The following HMGA2 variants were observed in gnomAD, a reference collection of about 807,000 sequenced individuals.
The protein encoded by HMGA2 is high mobility group AT-hook 2.
Under a neutral mutation model 19.1 loss-of-function variants are expected in HMGA2, and 8 were observed. That is an observed-to-expected ratio of 0.42 (90% CI 0.25 to 0.76). The LOEUF (loss-of-function observed/expected upper bound fraction) is 0.76. Ranked by LOEUF, HMGA2 falls within the 30% of genes least tolerant of loss-of-function variation. The pLI is 0.28. For missense variants in HMGA2, 109 were observed against 136.3 expected, an observed-to-expected ratio of 0.80 and a Z score of 1.00; for synonymous variants, 60 against 48.8, an observed-to-expected ratio of 1.23 and a Z score of -0.96.
intron 3 of HMGA2, among the ~76,000 whole-genome samples, chr12:65,897,284 A>G (rs1433535628): frequency 6.6e-6 from 1 of 152,188 alleles, no homozygotes; most frequent in Non-Finnish European, 1.5e-5. Context: ...ATTATTATTG[A>G]CCATAGTCAC....
intron 3 of HMGA2, among the ~76,000 whole-genome samples, chr12:65,852,050 C>T (rs142763647): frequency 5.9e-5 from 9 of 151,442 alleles, no homozygotes; most frequent in African/African-American, 1.9e-4. Context: ...ACAGTTTGTA[C>T]AAATAATAAT....
chr12:65,859,831 C>T, intron 3 of HMGA2: 1 of 216,540 alleles, frequency 4.6e-6, no homozygotes, highest in East Asian at 1.0e-4. Flanking sequence ...CTCTTGTAGT[C>T]CCAGCATTTT....
At chr12:65,962,551 G>A (rs1190541589) in intron 4 of HMGA2, among the ~76,000 whole-genome samples, 1 of 152,144 alleles carries the variant, frequency 6.6e-6, no homozygotes, top group Non-Finnish European at 1.5e-5. Context: ...TAAATACAAG[G>A]GGGAGGAAAT....
At chr12:65,958,945 C>T (rs990049368) in intron 4 of HMGA2, 1 of 152,166 alleles carries the variant, frequency 6.6e-6, no homozygotes, top group Non-Finnish European at 1.5e-5. Context: ...ATCGTGGTGA[C>T]ACCACCCCTG....
chr12:65,854,129 GTTGT>G (rs1006594278), intron 3 of HMGA2, among the ~76,000 whole-genome samples: 1 of 152,160 alleles, frequency 6.6e-6, no homozygotes, highest in Non-Finnish European at 1.5e-5. Flanking sequence ...TTCCACCTAC[GTTGT>G]TTGTTATCTT....
intron 3 of HMGA2, among the ~76,000 whole-genome samples, chr12:65,876,465 G>A (rs1289781521): frequency 2.0e-5 from 3 of 152,152 alleles, no homozygotes; most frequent in Non-Finnish European, 4.4e-5. Flanking sequence ...TAAGGCAATT[G>A]TGAATACTCT....
At chr12:65,926,820 A>T (rs1447455651) in intron 3 of HMGA2, among the ~76,000 whole-genome samples, 1 of 152,068 alleles carries the variant, frequency 6.6e-6, no homozygotes, top group Non-Finnish European at 1.5e-5. Flanking sequence ...CTCACAACAC[A>T]CACAGCTCTG....
At chr12:65,890,556 C>T (rs11175947) in intron 3 of HMGA2, among the ~76,000 whole-genome samples, 57,313 of 151,738 alleles carry the variant, frequency 0.38, 13,346 homozygotes, top group East Asian at 0.55. Flanking sequence ...AGCTATACTA[C>T]ACAATTGACT....
intron 3 of HMGA2, among the ~76,000 whole-genome samples, chr12:65,918,934 A>C (rs553216153): frequency 6.6e-6 from 1 of 152,200 alleles, no homozygotes; most frequent in African/African-American, 2.4e-5. Context: ...GGCTGACTAC[A>C]ATTTTCAAAG....
At chr12:65,828,123 C>A in intron 2 of HMGA2, 36 bp downstream of exon 2, 2 of 1,437,936 alleles carry the variant, frequency 1.4e-6, no homozygotes, top group Non-Finnish European at 2.0e-6. Flanking sequence ...CTAACTTCAT[C>A]AATGACTGAC....
chr12:65,916,144 C>A (rs140928221), intron 3 of HMGA2, among the ~76,000 whole-genome samples: 1 of 152,302 alleles, frequency 6.6e-6, no homozygotes, highest in African/African-American at 2.4e-5. Flanking sequence ...GTGCAGTGGA[C>A]CATTACATTT....
chr12:65,883,898 T>C (rs994855901), intron 3 of HMGA2, among the ~76,000 whole-genome samples: 6 of 152,222 alleles, frequency 3.9e-5, no homozygotes, highest in African/African-American at 1.4e-4. Flanking sequence ...GCAGTCTCAC[T>C]CTGTCGCCCA....
chr12:65,951,121 G>T (rs548815877), intron 3 of HMGA2, among the ~76,000 whole-genome samples: 1 of 152,092 alleles, frequency 6.6e-6, no homozygotes, highest in South Asian at 2.1e-4. Context: ...TAGAGAGAGG[G>T]TTTCACCATG....
intron 3 of HMGA2, among the ~76,000 whole-genome samples, chr12:65,888,580 T>G (rs1873764198): frequency 9.5e-6 from 1 of 105,718 alleles, no homozygotes; most frequent in Non-Finnish European, 1.9e-5. Context: ...TTTTTTTTTT[T>G]TGAGACAGAG....
At position 65,917,468 on chromosome 12, in the gene HMGA2, TA is replaced by T. The variant is rs1451139725; in HGVS notation, c.250-33914del. Among the ~76,000 whole-genome samples, 4 of 152,162 alleles carry T rather than the reference TA, an allele frequency of 2.6e-5. No homozygotes were observed. The East Asian group carries it at 7.7e-4, about 29-fold the overall frequency. ...CTCCATGCTCTCTAGCACAGAGCTT[TA>T]TAAGACAGTGTTGGTTTAACGAATG... On this transcript the variant is annotated intron_variant, in intron 3 of 4. Transcript: ENST00000403681.
chr12:65,915,129 G>A lies in HMGA2; in HGVS notation c.250-36254G>A, dbSNP rs111713528. ...GGAAACAGTACCAAAAGGAGTCACT[G>A]AATTGTCATTGGAGGAGTCCAGGAT... is the stretch of plus-strand genomic sequence containing the variant. On this transcript the variant is annotated intron_variant, in intron 3 of 4. Transcript: ENST00000403681. 120 of 1,613,698 alleles carry A rather than the reference G, an allele frequency of 7.4e-5. 2 individuals carry two copies. The African/African-American group carries it at 1.2e-3, about 16-fold the overall frequency.
chr12:65,846,370 A>C (rs1871235481), intron 3 of HMGA2, among the ~76,000 whole-genome samples: 1 of 152,186 alleles, frequency 6.6e-6, no homozygotes, highest in African/African-American at 2.4e-5. Context: ...CATTAGACTC[A>C]GGTTGTGGAA....
intron 3 of HMGA2, among the ~76,000 whole-genome samples, chr12:65,866,614 C>A (rs541440002): frequency 6.6e-6 from 1 of 152,234 alleles, no homozygotes; most frequent in African/African-American, 2.4e-5. Context: ...CAAGATGATT[C>A]ATTATATCTG....
chr12:65,842,831 A>G (rs1871060342), intron 3 of HMGA2: 1 of 1,343,062 alleles, frequency 7.4e-7, no homozygotes, highest in Non-Finnish European at 9.5e-7. Context: ...TCACATACCT[A>G]GTTTAGTGAT....
Sources: gnomAD v4.1 joint callset for allele counts (sites outside exome capture counted in the v4.1 genomes callset) on GRCh38, gnomAD v4.1.1 for gene constraint, MANE v1.5 for transcripts, NCBI Gene and HGNC (gene_info 2026-07-23, HGNC 2026-07-21) for gene names.